PTPRT: variants seen among roughly 807,000 people sequenced by gnomAD.
PTPRT encodes receptor-type tyrosine-protein phosphatase T.
PTPRT carries 56 observed loss-of-function variants against 176.8 expected under a neutral mutation model. The ratio of observed to expected loss-of-function variants is 0.32; its 90% confidence interval spans 0.26 to 0.40. The LOEUF is 0.40. Ranked by LOEUF, PTPRT falls within the 10% of genes least tolerant of loss-of-function variation. The pLI, the probability that PTPRT is intolerant of heterozygous loss-of-function variation, is 1.00. For missense variants in PTPRT, 1,540 were observed against 1,908.2 expected (o/e 0.81, Z 3.60); for synonymous variants, 783 against 739.0 (o/e 1.06, Z -0.96).
chr20:42,691,384 T>C (rs1158178728), intron 6 of PTPRT, among the ~76,000 whole-genome samples: 2 of 152,208 alleles, frequency 1.3e-5, no homozygotes, highest in East Asian at 1.9e-4. Context: ...TTTAGAGATA[T>C]TGTTATTTTG....
intron 1 of PTPRT, among the ~76,000 whole-genome samples, chr20:43,120,071 T>C (rs1462949894): frequency 6.6e-6 from 1 of 152,210 alleles, no homozygotes; most frequent in Admixed American, 6.5e-5. Context: ...CCTCCCATAG[T>C]GCTGGGATTA....
chr20:43,052,920 T>A (rs1175480752), intron 1 of PTPRT, among the ~76,000 whole-genome samples: 2 of 152,188 alleles, frequency 1.3e-5, no homozygotes, highest in Non-Finnish European at 2.9e-5. Context: ...GTTACATTCT[T>A]AGGTATAGAC....
At chr20:42,140,986 C>T (rs551312554) in intron 18 of PTPRT, among the ~76,000 whole-genome samples, 21 of 152,160 alleles carry the variant, frequency 1.4e-4, no homozygotes, top group Non-Finnish European at 1.8e-4. Flanking sequence ...CAGGGCCCTA[C>T]AGTTGGGATA....
intron 9 of PTPRT, among the ~76,000 whole-genome samples, chr20:42,446,473 CT>C: frequency 6.6e-6 from 1 of 152,226 alleles, no homozygotes; most frequent in South Asian, 2.1e-4. Context: ...CACACAGCGT[CT>C]TTTACATAAC....
At position 42,406,289 on chromosome 20, in the gene PTPRT, A is replaced by C. The variant is rs532071157; in HGVS notation, c.1560+41931T>G. ...GTCGTCCTTTGAAAAAACATGGTAC[A>C]TTTGGTGAAGCAAATGAAAATAAGA... On this transcript the variant is annotated intron_variant, in intron 9 of 30. Transcript: ENST00000373187. 7.8e-4 allele frequency among the ~76,000 whole-genome samples: 118 copies of C among 152,214 alleles called. 2 individuals carry two copies. In the South Asian group the frequency reaches 0.024, roughly 31 times the overall value.
At chr20:43,036,519 G>A (rs1009042077) in intron 1 of PTPRT, among the ~76,000 whole-genome samples, 2 of 145,424 alleles carry the variant, frequency 1.4e-5, no homozygotes, top group Non-Finnish European at 3.0e-5. Context: ...GTAGGGTGGA[G>A]GCAGAAGAGA....
intron 7 of PTPRT, among the ~76,000 whole-genome samples, chr20:42,513,121 A>C (rs1364012948): frequency 6.6e-6 from 1 of 151,672 alleles, no homozygotes; most frequent in African/African-American, 2.4e-5. Flanking sequence ...CAGCCTCCCA[A>C]AGTACTGGGA....
intron 7 of PTPRT, among the ~76,000 whole-genome samples, chr20:42,499,521 A>G (rs2071714227): frequency 1.3e-5 from 2 of 151,938 alleles, no homozygotes; most frequent in Non-Finnish European, 2.9e-5. Context: ...TGATCTCCTG[A>G]CCTTGCGATC....
chr20:43,145,494 A>G (rs531639864), intron 1 of PTPRT, among the ~76,000 whole-genome samples: 1 of 152,338 alleles, frequency 6.6e-6, no homozygotes, highest in East Asian at 1.9e-4. Context: ...GAACTCAAGG[A>G]TTTTTCTATT....
chr20:43,009,427 T>C lies in PTPRT; in HGVS notation c.89-123495A>G, dbSNP rs546201072. 2.6e-5 allele frequency among the ~76,000 whole-genome samples: 4 copies of C among 152,124 alleles called. No individual in the cohort carries two copies. The East Asian group carries it at 5.8e-4, about 22-fold the overall frequency. On this transcript the variant is annotated intron_variant, in intron 1 of 30. Coordinates refer to ENST00000373187, the MANE Select transcript of PTPRT (RefSeq NM_007050.6). ...ACACAGCCCAGAGTGTTATGGGCCA[T>C]GAAATGCTGAGCTGGGATGTTGAAA...
chr20:42,420,288 T>C (rs16986850), intron 9 of PTPRT, among the ~76,000 whole-genome samples: 2,472 of 152,260 alleles, frequency 0.016, 191 homozygotes, highest in Admixed American at 0.13. Flanking sequence ...CCAATGCCTA[T>C]AATCTCTGAG....
intron 1 of PTPRT, among the ~76,000 whole-genome samples, chr20:42,977,261 G>C (rs1481368432): frequency 6.6e-6 from 1 of 152,096 alleles, no homozygotes; most frequent in Non-Finnish European, 1.5e-5. Flanking sequence ...GAATAATCTT[G>C]TGAAGACCTA....
At chr20:42,658,238 T>C (rs1290446146) in intron 7 of PTPRT, among the ~76,000 whole-genome samples, 1 of 152,214 alleles carries the variant, frequency 6.6e-6, no homozygotes, top group Non-Finnish European at 1.5e-5. Context: ...CCTTGTTCTG[T>C]GTGTTTCTGT....
intron 11 of PTPRT, among the ~76,000 whole-genome samples, chr20:42,319,269 T>A (rs2057765078): frequency 1.3e-5 from 2 of 151,870 alleles, no homozygotes. Flanking sequence ...TTCCTTTTTT[T>A]TTTTTTTTCT....
intron 23 of PTPRT, among the ~76,000 whole-genome samples, chr20:42,107,736 G>A (rs910710917): frequency 1.3e-5 from 2 of 152,178 alleles, no homozygotes; most frequent in African/African-American, 2.4e-5. Context: ...TTCACATCTT[G>A]CCTTTCTCAT....
At chr20:42,442,663 C>T (rs2059327023) in intron 9 of PTPRT, among the ~76,000 whole-genome samples, 1 of 152,234 alleles carries the variant, frequency 6.6e-6, no homozygotes, top group Non-Finnish European at 1.5e-5. Flanking sequence ...ACTTCGTTAA[C>T]CCAGTTGCAA....
intron 2 of PTPRT, among the ~76,000 whole-genome samples, chr20:42,835,749 T>G (rs1317788911): frequency 6.6e-6 from 1 of 152,184 alleles, no homozygotes; most frequent in Non-Finnish European, 1.5e-5. Context: ...TCTTTACAAT[T>G]TCCTATATTT....
chr20:42,042,687 G>A, the PTPRT span, among the ~76,000 whole-genome samples: 1 of 152,174 alleles, frequency 6.6e-6, no homozygotes, highest in Non-Finnish European at 1.5e-5. Flanking sequence ...ACAAAAATAA[G>A]GCTACTGCCC....
At chr20:42,740,323 C>A (rs1030655357) in intron 6 of PTPRT, among the ~76,000 whole-genome samples, 3 of 152,136 alleles carry the variant, frequency 2.0e-5, no homozygotes, top group African/African-American at 7.2e-5. Context: ...CAGCTCCATG[C>A]CAGAGCATTC....
Sources: allele counts gnomAD v4.1 joint callset (sites outside exome capture counted in the v4.1 genomes callset), GRCh38; gene constraint gnomAD v4.1.1; transcripts MANE v1.5; gene names NCBI Gene and HGNC (gene_info 2026-07-23, HGNC 2026-07-21).